Variants in PHF2 observed in about 807,000 individuals in gnomAD.
PHF2 encodes lysine-specific demethylase PHF2.
A neutral mutation model predicts 120.5 loss-of-function variants in PHF2; 27 were observed. That is an observed-to-expected ratio of 0.22 (90% confidence interval 0.17 to 0.31). The LOEUF is 0.31. Ranked by LOEUF, PHF2 falls within the 10% of genes least tolerant of loss-of-function variation. PHF2 has a pLI of 1.00. For synonymous variants in PHF2, 568 were observed against 592.5 expected, an observed-to-expected ratio of 0.96 and a Z score of 0.60; for missense variants, 1,024 against 1,434.8, an observed-to-expected ratio of 0.71 and a Z score of 4.63.
At chr9:93,609,165 T>A (rs1371809272) in intron 1 of PHF2, among the ~76,000 whole-genome samples, 1 of 149,624 alleles carries the variant, frequency 6.7e-6, no homozygotes, top group Non-Finnish European at 1.5e-5. Context: ...TAGCACTCTA[T>A]GGGTAGAGCA....
chr9:93,593,258 C>T (rs1355459752), intron 1 of PHF2, among the ~76,000 whole-genome samples: 1 of 152,064 alleles, frequency 6.6e-6, no homozygotes, highest in East Asian at 1.9e-4. Flanking sequence ...CCCCCTGGAC[C>T]CAAGGCACCT....
At chr9:93,626,142 C>T (rs1825911586) in intron 1 of PHF2, among the ~76,000 whole-genome samples, 1 of 152,082 alleles carries the variant, frequency 6.6e-6, no homozygotes, top group Non-Finnish European at 1.5e-5. Flanking sequence ...ACTCGGGAGG[C>T]TGAGACAGGG....
chr9:93,638,446 T>G (rs1826126211), intron 3 of PHF2, among the ~76,000 whole-genome samples: 1 of 152,202 alleles, frequency 6.6e-6, no homozygotes, highest in Non-Finnish European at 1.5e-5. Context: ...TTGAGCTTAT[T>G]TTTGTATATG....
Position 93,613,792 on chromosome 9 carries a change from A to G in PHF2, c.99-16178A>G, listed in dbSNP as rs1229588193. Among the ~76,000 whole-genome samples the G allele has an allele frequency of 2.0e-5, 3 of 151,954 alleles. No individual in the cohort carries two copies. In the East Asian group the frequency reaches 5.8e-4, roughly 29 times the overall value. ...TATTGTGTTGCCAAGACTGGTTTCA[A>G]ACTCCTAGGCTCAAGTATCAAGGAT... On this transcript the variant is annotated intron_variant, in intron 1 of 21. Coordinates refer to ENST00000359246, the MANE Select transcript of PHF2 (RefSeq NM_005392.4).
intron 20 of PHF2, 62 bp from the exon 21 acceptor site, chr9:93,676,531 TC>T (rs1262205140): frequency 6.5e-7 from 1 of 1,538,158 alleles, no homozygotes; most frequent in Non-Finnish European, 8.8e-7. Context: ...TGCCGGGAGC[TC>T]CCTGCTCTGT....
At chr9:93,606,361 C>T (rs1312829168) in intron 1 of PHF2, among the ~76,000 whole-genome samples, 6 of 152,190 alleles carry the variant, frequency 3.9e-5, no homozygotes, top group Non-Finnish European at 7.3e-5. Flanking sequence ...GTTCGTGTTG[C>T]TCTACATCCT....
At chr9:93,591,035 C>G (rs1382775553) in intron 1 of PHF2, among the ~76,000 whole-genome samples, 1 of 152,230 alleles carries the variant, frequency 6.6e-6, no homozygotes, top group Admixed American at 6.5e-5. Flanking sequence ...AGGTGGCAGA[C>G]TGCTGTGACC....
In PHF2 at chr9:93,678,367, G is replaced by A. The variant is rs1480388308; in HGVS notation, c.*691G>A. ...GAGCCATTGTGGGGTCCCCAGGAAA[G>A]GGCAAGGGCTCAGCCACATCTTGGG... On this transcript the variant is annotated 3_prime_UTR_variant, in exon 22 of 22. Transcript: ENST00000359246. 1 of 152,578 alleles carries A rather than the reference G, an allele frequency of 6.6e-6. No homozygotes were observed. Among genetic ancestry groups the A allele is most frequent in the Admixed American group, 6.5e-5 (1 of 15,290 alleles). The allele number at this position is 152,578 out of a possible 1,614,324, so 9.5% of individuals were successfully genotyped here.
intron 1 of PHF2, among the ~76,000 whole-genome samples, chr9:93,584,379 CTCTTA>C (rs1862994797): frequency 2.6e-5 from 4 of 152,168 alleles, no homozygotes; most frequent in Admixed American, 2.0e-4. Context: ...ATAGTTTTAG[CTCTTA>C]TCTTAGGTTT....
Position 93,576,855 on chromosome 9 carries a change from G to A in PHF2, c.82G>A (p.Asp28Asn). Reference protein sequence around the residue: ...RFMIECDACKDWFHGSCVGVE... With the variant: ...RFMIECDACKNWFHGSCVGVE... Reference sequence around the variant, plus strand: ...CATGATCGAGTGCGACGCCTGCAAGGACTGGTTCCACGGCAGGTGAGCGCG... The same window carrying A: ...CATGATCGAGTGCGACGCCTGCAAGAACTGGTTCCACGGCAGGTGAGCGCG... Residue 28 changes from aspartate to asparagine, a missense_variant, in exon 1 of 22, where the codon GAC (aspartate) becomes AAC (asparagine). Asp to Asn is a conservative substitution (Grantham distance 23). Around this residue, in one of 2 missense-constraint regions of PHF2, gnomAD observed 347 missense variants for 577.4 expected, o/e 0.60. Coordinates refer to ENST00000359246, the MANE Select transcript of PHF2 (RefSeq NM_005392.4). 1 of 1,271,958 alleles carries A rather than the reference G, an allele frequency of 7.9e-7. No homozygotes were observed. The highest frequency in any genetic ancestry group is 1.0e-6 in the Non-Finnish European group (1 of 972,130). 78.8% of individuals were successfully genotyped at this position (1,271,958 alleles called of 1,614,324 possible). A position where few individuals can be genotyped will look rare whatever the true frequency, so the allele number is the denominator to read the frequency against.
chr9:93,655,845 C>G (rs1826449614), intron 7 of PHF2, 89 bp from the exon 8 acceptor site: 1 of 932,630 alleles, frequency 1.1e-6, no homozygotes, highest in East Asian at 2.7e-5. Context: ...AAGGCCTGTG[C>G]TGGTCTCCGC....
intron 1 of PHF2, among the ~76,000 whole-genome samples, chr9:93,627,975 G>C (rs1564386900): frequency 6.6e-6 from 1 of 152,186 alleles, no homozygotes; most frequent in East Asian, 1.9e-4. Flanking sequence ...AGCTTCTGCT[G>C]TCCCATCCTC....
intron 3 of PHF2, among the ~76,000 whole-genome samples, chr9:93,638,214 A>G (rs563637221): frequency 6.6e-6 from 1 of 151,384 alleles, no homozygotes; most frequent in South Asian, 2.1e-4. Flanking sequence ...ATTTCAAAAT[A>G]CTCTCTCCTA....
intron 3 of PHF2, among the ~76,000 whole-genome samples, chr9:93,642,915 C>G (rs1826193373): frequency 6.6e-6 from 1 of 152,142 alleles, no homozygotes; most frequent in East Asian, 1.9e-4. Flanking sequence ...TCTAAAATTT[C>G]TATAAATTTC....
At chr9:93,674,821 TG>T in intron 18 of PHF2, 105 bp from the exon 19 acceptor site, 2 of 750,632 alleles carry the variant, frequency 2.7e-6, no homozygotes, top group South Asian at 3.2e-5. Flanking sequence ...GTGTAGGCCC[TG>T]GGGTTGCTGG....
intron 1 of PHF2, among the ~76,000 whole-genome samples, chr9:93,587,974 G>C (rs971760366): frequency 6.6e-6 from 1 of 152,180 alleles, no homozygotes; most frequent in Non-Finnish European, 1.5e-5. Flanking sequence ...TTGGATCCTG[G>C]TGAAGGAGGT....
At chr9:93,640,579 T>G (rs10992820) in intron 3 of PHF2, among the ~76,000 whole-genome samples, 27,716 of 152,084 alleles carry the variant, frequency 0.18, 2,744 homozygotes, top group African/African-American at 0.27. Flanking sequence ...TTTCCATTTC[T>G]CTGTTTACAT....
intron 17 of PHF2, among the ~76,000 whole-genome samples, chr9:93,667,493 T>G (rs1287037793): frequency 6.6e-6 from 1 of 152,270 alleles, no homozygotes; most frequent in Non-Finnish European, 1.5e-5. Flanking sequence ...TTCAATTTTA[T>G]GTGCCGAGAC....
chr9:93,637,978 C>T (rs1008969297), intron 3 of PHF2, among the ~76,000 whole-genome samples: 3 of 152,136 alleles, frequency 2.0e-5, no homozygotes, highest in South Asian at 2.1e-4. Context: ...TCTAGCCATG[C>T]GAGTGGGTAT....
Sources: allele counts gnomAD v4.1 joint callset (sites outside exome capture counted in the v4.1 genomes callset), GRCh38; gene constraint gnomAD v4.1.1; regional missense constraint gnomAD v4.1.1; transcripts MANE v1.5; gene names NCBI Gene and HGNC (gene_info 2026-07-23, HGNC 2026-07-21).